The following INTU variants were observed in gnomAD, a reference collection of about 807,000 sequenced individuals.
The protein encoded by INTU is protein inturned.
In INTU, 68 loss-of-function variants were observed where a neutral mutation model predicts 100.5. The ratio of observed to expected loss-of-function variants is 0.68; its 90% CI spans 0.56 to 0.83. INTU has a LOEUF of 0.83. Among genes scored for constraint, INTU ranks in the 40% least tolerant of loss-of-function variants. INTU has a pLI of 0.00. For missense variants in INTU, 1,071 were observed against 1,114.7 expected, an observed-to-expected ratio of 0.96 and a Z score of 0.56; for synonymous variants, 357 against 395.7, an observed-to-expected ratio of 0.90 and a Z score of 1.16.
chr4:127,693,749 G>T (rs1436277504), intron 8 of INTU, among the ~76,000 whole-genome samples: 2 of 151,878 alleles, frequency 1.3e-5, no homozygotes, highest in Admixed American at 6.6e-5. Flanking sequence ...TATGTCCCTT[G>T]TATGCTGATT....
chr4:127,647,283 T>C (rs138570505), intron 2 of INTU, among the ~76,000 whole-genome samples: 150 of 152,340 alleles, frequency 9.8e-4, no homozygotes, highest in African/African-American at 3.4e-3. Context: ...AAATCTAAAA[T>C]GGGTCTTCTT....
intron 6 of INTU, among the ~76,000 whole-genome samples, chr4:127,676,727 G>C (rs1423505776): frequency 6.6e-6 from 1 of 152,156 alleles, no homozygotes; most frequent in Non-Finnish European, 1.5e-5. Context: ...CATCTCACTA[G>C]GGAGTGCCAG....
In INTU at chr4:127,633,006, C is replaced by T. The variant is rs762891868; in HGVS notation, c.-29C>T. 4 of 1,599,224 alleles carry T rather than the reference C, an allele frequency of 2.5e-6. No homozygotes were observed. Among genetic ancestry groups the T allele is most frequent in the Non-Finnish European group, 2.6e-6 (3 of 1,169,504 alleles). On this transcript the variant is annotated 5_prime_UTR_variant, in exon 1 of 16. Coordinates refer to ENST00000335251, the MANE Select transcript of INTU (RefSeq NM_015693.4). ...AGCTATAGCTGCGAGATTTGAATTACTCCACTCGTAGCTATTGCATTCCTG... is the reference window on the plus strand; with the variant it reads ...AGCTATAGCTGCGAGATTTGAATTATTCCACTCGTAGCTATTGCATTCCTG...
intron 4 of INTU, among the ~76,000 whole-genome samples, chr4:127,667,928 T>A (rs1471834722): frequency 6.6e-6 from 1 of 152,078 alleles, no homozygotes; most frequent in Non-Finnish European, 1.5e-5. Context: ...GACCATATCA[T>A]GTAATTATTT....
chr4:127,686,501 T>C (rs183374844), intron 7 of INTU: 1 of 152,338 alleles, frequency 6.6e-6, no homozygotes, highest in African/African-American at 2.4e-5. Context: ...CACACGTGCC[T>C]CCTTTGCACT....
rs986457229 is a variant in INTU, at chr4:127,725,951, G to T, written c.*9515G>T. ...TTAAATAAAGGGGGACAGGATGACA[G>T]TGCAGATATCCTAGAAATATGCTTT... On this transcript the variant is annotated 3_prime_UTR_variant, in exon 16 of 16. Transcript: ENST00000335251. 6.6e-6 allele frequency: 1 copy of T among 152,188 alleles called. No homozygotes were observed. Among genetic ancestry groups the T allele is most frequent in the Non-Finnish European group, 1.5e-5 (1 of 68,022 alleles). 9.4% of individuals were successfully genotyped at this position (152,188 alleles called of 1,614,324 possible). A position where few individuals can be genotyped will look rare whatever the true frequency, so the allele number is the denominator to read the frequency against.
At position 127,656,691 on chromosome 4, in the gene INTU, A is replaced by T. The variant is rs1193175551; in HGVS notation, c.738A>T (p.Arg246Ser). 1 of 1,610,698 alleles carries T rather than the reference A, an allele frequency of 6.2e-7. No individual in the cohort carries two copies. The highest frequency in any genetic ancestry group is 8.5e-7 in the Non-Finnish European group (1 of 1,177,494). Residue 246 changes from arginine (R) to serine (S), a missense_variant, in exon 3 of 16, where the codon AGA (arginine) becomes AGT (serine). Physicochemically the swap from Arg to Ser is moderately radical, Grantham distance 110. Coordinates refer to ENST00000335251, the MANE Select transcript of INTU (RefSeq NM_015693.4). ...DVDVTTENIE[R>S]VLSCIPGPMQ... The stretch of plus-strand genomic sequence containing the variant: ...ATGTTACTACTGAAAACATCGAGAG[A>T]GTTCTGTCTTGCATTCCTGGACCTA...
chr4:127,699,419 G>T (rs990925967), intron 8 of INTU: 1 of 152,118 alleles, frequency 6.6e-6, no homozygotes, highest in Non-Finnish European at 1.5e-5. Flanking sequence ...TAGTTGAACT[G>T]TGCCAGATTC....
At chr4:127,674,045 C>A (rs901543401) in intron 5 of INTU, 79 bp from the exon 6 acceptor site, 3 of 852,634 alleles carry the variant, frequency 3.5e-6, no homozygotes, top group African/African-American at 3.5e-5. Context: ...ATACCATATG[C>A]AATCTTTTAT....
intron 6 of INTU, among the ~76,000 whole-genome samples, chr4:127,679,464 C>G (rs937638151): frequency 1.3e-5 from 2 of 152,152 alleles, no homozygotes; most frequent in Non-Finnish European, 2.9e-5. Flanking sequence ...CAAAACCGCT[C>G]AACTGCATGG....
At chr4:127,649,796 A>AT (rs994121600) in intron 2 of INTU, among the ~76,000 whole-genome samples, 1 of 152,198 alleles carries the variant, frequency 6.6e-6, no homozygotes, top group African/African-American at 2.4e-5. Context: ...CCTGGCACAC[A>AT]TTAAGTGCTC....
At chr4:127,702,495 GA>G (rs1201032025) in intron 9 of INTU, among the ~76,000 whole-genome samples, 1 of 152,092 alleles carries the variant, frequency 6.6e-6, no homozygotes, top group East Asian at 1.9e-4. Context: ...GTATATCCAG[GA>G]ATGGACTACT....
chr4:127,653,048 C>T lies in INTU; in HGVS notation c.683-3588C>T, dbSNP rs531091003. 1.9e-3 allele frequency among the ~76,000 whole-genome samples: 296 copies of T among 151,904 alleles called. 3 individuals carry two copies. The highest frequency in any genetic ancestry group is 6.7e-3 in the African/African-American group (276 of 41,248). ...TATTCTCTGATGGTAGTTTGTATTTCTGTGGAATCGGTGGTGATATCTCCT... is the reference window on the plus strand; with the variant it reads ...TATTCTCTGATGGTAGTTTGTATTTTTGTGGAATCGGTGGTGATATCTCCT... On this transcript the variant is annotated intron_variant, in intron 2 of 15. Transcript: ENST00000335251.
chr4:127,634,869 C>G lies in INTU; in HGVS notation c.146+1689C>G, dbSNP rs368133597. Among the ~76,000 whole-genome samples, 18 of 152,308 alleles carry G rather than the reference C, an allele frequency of 1.2e-4. No individual in the cohort carries two copies. In the East Asian group the frequency reaches 1.4e-3, roughly 11 times the overall value. On this transcript the variant is annotated intron_variant, in intron 1 of 15. Coordinates refer to ENST00000335251, the MANE Select transcript of INTU (RefSeq NM_015693.4). ...GTTCTTCCCTTATGGTAGATGTTTA[C>G]TTCCCTAAGCTGCAGTCATCATTAC...
intron 13 of INTU, among the ~76,000 whole-genome samples, chr4:127,708,937 T>C (rs1035620955): frequency 6.6e-6 from 1 of 152,182 alleles, no homozygotes; most frequent in Non-Finnish European, 1.5e-5. Context: ...CTTTTGTATA[T>C]TTAATATAAT....
chr4:127,679,139 C>A (rs1000717533), intron 6 of INTU, among the ~76,000 whole-genome samples: 2 of 151,678 alleles, frequency 1.3e-5, no homozygotes, highest in African/African-American at 2.4e-5. Context: ...CTTAGACTCC[C>A]ACACAATAAT....
chr4:127,643,530 G>T lies in INTU; in HGVS notation c.156G>T (p.Glu52Asp). The change falls in exon 2 of 16, where the codon GAG (glutamate) becomes GAT (aspartate). Residue 52 changes from glutamate to aspartate, a missense_variant. Coordinates refer to ENST00000335251, the MANE Select transcript of INTU (RefSeq NM_015693.4). The stretch of plus-strand genomic sequence containing the variant: ...TTTCTCTCTTTCATAGTGATCTTGA[G>T]CCTGAATGGCTGGACAGTGTGCAGA... ...SSASSDYDDL[E>D]PEWLDSVQKN... The T allele has an allele frequency of 6.3e-7, 1 of 1,590,188 alleles. No individual in the cohort carries two copies.
rs925058862 is a variant in INTU at position 127,717,103 on chromosome 4, T to G, written c.*667T>G. On this transcript the variant is annotated 3_prime_UTR_variant, in exon 16 of 16. Coordinates refer to ENST00000335251, the MANE Select transcript of INTU (RefSeq NM_015693.4). ...CACCTATCAACCCATCACCTAGGTA[T>G]TAAGCCTAGCATGCATTAGCTATTT... 2 of 152,160 alleles carry G rather than the reference T, an allele frequency of 1.3e-5. No homozygotes were observed. Among genetic ancestry groups the G allele is most frequent in the Non-Finnish European group, 2.9e-5 (2 of 68,032 alleles). The allele number at this position is 152,160 out of a possible 1,614,324, so 9.4% of individuals were successfully genotyped here.
At chr4:127,644,870 C>T (rs1295654659) in intron 2 of INTU, among the ~76,000 whole-genome samples, 4 of 152,168 alleles carry the variant, frequency 2.6e-5, no homozygotes, top group African/African-American at 9.7e-5. Flanking sequence ...ATATTTCCAA[C>T]TTTAAATCTG....
Sources: allele counts gnomAD v4.1 joint callset (sites outside exome capture counted in the v4.1 genomes callset), GRCh38; gene constraint gnomAD v4.1.1; transcripts MANE v1.5; gene names NCBI Gene and HGNC (gene_info 2026-07-23, HGNC 2026-07-21).